ATP13A2: variants seen among roughly 807,000 people sequenced by gnomAD.
ATP13A2 encodes the protein ATPase cation transporting 13A2.
Under a neutral mutation model 138.3 loss-of-function variants are expected in ATP13A2, and 83 were observed. The observed-to-expected ratio is 0.60, with a 90% CI of 0.50 to 0.72. ATP13A2 has a LOEUF of 0.72. Ranked by LOEUF, ATP13A2 falls within the 30% of genes least tolerant of loss-of-function variation. The pLI, the probability that ATP13A2 is intolerant of heterozygous loss-of-function variation, is 0.00. For synonymous variants in ATP13A2, 663 were observed against 699.0 expected (o/e 0.95, Z 0.81); for missense variants, 1,402 against 1,606.4 (o/e 0.87, Z 2.17).
Position 17,004,797 on chromosome 1 carries a change from C to T in ATP13A2, c.372G>A (p.Gln124=), listed in dbSNP as rs751294424. The change falls in exon 5 of 29, where the codon CAG becomes CAA. Residue 124 remains glutamine (Q), a synonymous_variant. Coordinates refer to ENST00000326735, the MANE Select transcript of ATP13A2 (RefSeq NM_022089.4). This position sits in a 1 kb window ranked among gnomAD's most constrained non-coding sequence, Gnocchi z 4.1. ...EGSLEPSPQS[Q]AEDGRSQAAV... ...CCGCCTGGCTCCGGCCATCCTCTGCCTGGGACTGTGGGGACGGCTCCAGGC... is the reference window on the plus strand; with the variant it reads ...CCGCCTGGCTCCGGCCATCCTCTGCTTGGGACTGTGGGGACGGCTCCAGGC... 1 of 1,613,984 alleles carries T rather than the reference C, an allele frequency of 6.2e-7. No individual in the cohort carries two copies. Among genetic ancestry groups the T allele is most frequent in the Non-Finnish European group, 8.5e-7 (1 of 1,180,048 alleles).
Position 17,004,582 on chromosome 1 carries a change from T to C in ATP13A2, c.477+110A>G. The C allele has an allele frequency of 6.9e-6, 11 of 1,603,532 alleles. No homozygotes were observed. In the South Asian group the frequency reaches 1.2e-4, roughly 18 times the overall value. ...CGTGCTCAGACAGCATCCTGGATGT[T>C]TGGGACAACAGAACTAAAAGGTGGT... is the stretch of plus-strand genomic sequence containing the variant. On this transcript the variant is annotated intron_variant, in intron 5 of 28. Coordinates refer to ENST00000326735, the MANE Select transcript of ATP13A2 (RefSeq NM_022089.4). The surrounding 1 kb of genome is among the most constrained non-coding windows in gnomAD (Gnocchi z 4.1).
chr1:17,007,400 C>T lies in ATP13A2; in HGVS notation c.11-1622G>A, dbSNP rs919608048. On this transcript the variant is annotated intron_variant, in intron 1 of 28. Coordinates refer to ENST00000326735, the MANE Select transcript of ATP13A2 (RefSeq NM_022089.4). ...GACTGGCTGGATCAACTCCTCAGGCCGGGGTAGGGATGGTGCTAGGCATCT... is the reference window on the plus strand; with the variant it reads ...GACTGGCTGGATCAACTCCTCAGGCTGGGGTAGGGATGGTGCTAGGCATCT... 2.0e-5 allele frequency among the ~76,000 whole-genome samples: 3 copies of T among 152,022 alleles called. No homozygotes were observed. In the East Asian group the frequency reaches 5.8e-4, roughly 29 times the overall value.
At chr1:17,000,638 C>CA (rs1201030943) in intron 8 of ATP13A2, 104 bp from the exon 9 acceptor site, 3 of 1,445,330 alleles carry the variant, frequency 2.1e-6, no homozygotes, top group Non-Finnish European at 2.8e-6. Flanking sequence ...CAGTGGCTGC[C>CA]AAAGGACTGG....
rs1004848537 is a variant in ATP13A2 at position 16,998,957 on chromosome 1, G to A, written c.1039+1054C>T. 2.0e-5 allele frequency among the ~76,000 whole-genome samples: 3 copies of A among 150,566 alleles called. No homozygotes were observed. The East Asian group carries it at 5.8e-4, about 29-fold the overall frequency. ...TCACACCCTTCACAGTGGCTGCCCT[G>A]GGGAGGGGAAGGGAAGGGGACTGTG... On this transcript the variant is annotated intron_variant, in intron 11 of 28. Transcript: ENST00000326735.
chr1:17,007,903 G>A (rs1191116166), intron 1 of ATP13A2, among the ~76,000 whole-genome samples: 1 of 151,930 alleles, frequency 6.6e-6, no homozygotes, highest in Non-Finnish European at 1.5e-5. Context: ...GGCAGCTGCT[G>A]TGGGCACAGC....
Position 17,011,652 on chromosome 1 carries a change from C to G in ATP13A2, c.10+77G>C, listed in dbSNP as rs1354929960. 81 of 1,429,320 alleles carry G rather than the reference C, an allele frequency of 5.7e-5. No homozygotes were observed. Among genetic ancestry groups the G allele is most frequent in the Non-Finnish European group, 7.3e-5 (80 of 1,097,118 alleles). 88.5% of individuals were successfully genotyped at this position (1,429,320 alleles called of 1,614,324 possible). A position where few individuals can be genotyped will look rare whatever the true frequency, so the allele number is the denominator to read the frequency against. ...CGCGGTGGGGGGCGTCGCCTCCCCT[C>G]TCCCTCCAAGGGGTGACGACAACTG... is the stretch of plus-strand genomic sequence containing the variant. On this transcript the variant is annotated intron_variant, in intron 1 of 28. Coordinates refer to ENST00000326735, the MANE Select transcript of ATP13A2 (RefSeq NM_022089.4). The surrounding 1 kb of genome is among the most constrained non-coding windows in gnomAD (Gnocchi z 7.3).
chr1:16,988,121 G>A lies in ATP13A2; in HGVS notation c.2859+17C>T. 1 of 1,608,916 alleles carries A rather than the reference G, an allele frequency of 6.2e-7. No individual in the cohort carries two copies. Among genetic ancestry groups the A allele is most frequent in the Non-Finnish European group, 8.5e-7 (1 of 1,175,374 alleles). ...GTCCTGGGACGGCTCTGGGTACGGA[G>A]CTCTGCAGATACTCACCGTGTAGAG... On this transcript the variant is annotated intron_variant, in intron 25 of 28. Coordinates refer to ENST00000326735, the MANE Select transcript of ATP13A2 (RefSeq NM_022089.4).
chr1:17,004,665 AG>A lies in ATP13A2; in HGVS notation c.477+26del, dbSNP rs528517320. 641 of 1,613,722 alleles carry A rather than the reference AG, an allele frequency of 4.0e-4. 1 individual carries two copies. The highest frequency in any genetic ancestry group is 5.2e-4 in the Non-Finnish European group (616 of 1,180,006). On this transcript the variant is annotated intron_variant, in intron 5 of 28. Coordinates refer to ENST00000326735, the MANE Select transcript of ATP13A2 (RefSeq NM_022089.4). This position sits in a 1 kb window ranked among gnomAD's most constrained non-coding sequence, Gnocchi z 4.1. ...CAGATCATGAAACCGAGGCCGAGAG[AG>A]GGGCAAGGACTTTTTCAGAACCCAC...
intron 6 of ATP13A2, 56 bp from the exon 7 acceptor site, chr1:17,002,429 C>T: frequency 9.5e-6 from 15 of 1,576,108 alleles, no homozygotes; most frequent in Non-Finnish European, 1.3e-5. Context: ...GTCTGCATCC[C>T]CCACCCTGTG....
Position 16,997,702 on chromosome 1 carries a change from G to A in ATP13A2, c.1040-527C>T, listed in dbSNP as rs113998948. On this transcript the variant is annotated intron_variant, in intron 11 of 28. Transcript: ENST00000326735. ...ACTAAAATACAAAAATTAGCCGGGTGTTGTGGTGGGCATCTGTAATCCCAG... is the reference window on the plus strand; with the variant it reads ...ACTAAAATACAAAAATTAGCCGGGTATTGTGGTGGGCATCTGTAATCCCAG... 7.3e-3 allele frequency among the ~76,000 whole-genome samples: 1,110 copies of A among 152,094 alleles called. 15 individuals are homozygous for A. Among genetic ancestry groups the A allele is most frequent in the African/African-American group, 0.026 (1,062 of 41,464 alleles).
At chr1:16,990,708 G>A (rs2076900738) in intron 20 of ATP13A2, among the ~76,000 whole-genome samples, 1 of 151,996 alleles carries the variant, frequency 6.6e-6, no homozygotes, top group Non-Finnish European at 1.5e-5. Flanking sequence ...TTTTAGTAGA[G>A]ATGGGGTTTC....
At chr1:17,008,779 T>C (rs1269794829) in intron 1 of ATP13A2, among the ~76,000 whole-genome samples, 2 of 151,946 alleles carry the variant, frequency 1.3e-5, no homozygotes, top group Non-Finnish European at 2.9e-5. Context: ...GCTAACACGG[T>C]GAAACCCTGT....
rs1157851287 is a variant in ATP13A2 at position 16,997,063 on chromosome 1, C to A, written c.1152G>T (p.Arg384=). The part of the protein sequence containing the change: ...LFCGTLILQA[R]AYVGPHVLAV... ...CCAGGACGTGCGGTCCCACATAGGC[C>A]CGGGCCTGCAAGATGAGGGTCCCGC... is the stretch of plus-strand genomic sequence containing the variant. Residue 384 remains arginine, a synonymous_variant, in exon 12 of 29, where the codon CGG becomes CGT. Transcript: ENST00000326735. The A allele has an allele frequency of 1.9e-6, 3 of 1,613,186 alleles. No individual in the cohort carries two copies. The African/African-American group carries it at 4.0e-5, about 22-fold the overall frequency.
chr1:17,006,072 T>C (rs1234116712), intron 1 of ATP13A2, among the ~76,000 whole-genome samples: 1 of 150,460 alleles, frequency 6.6e-6, no homozygotes, highest in Non-Finnish European at 1.5e-5. Context: ...GAGGTAGAGG[T>C]TGCAGTGAGG....
intron 20 of ATP13A2, among the ~76,000 whole-genome samples, chr1:16,991,133 T>G (rs1419555462): frequency 6.6e-6 from 1 of 152,096 alleles, no homozygotes; most frequent in Non-Finnish European, 1.5e-5. Flanking sequence ...GTATTTTTAG[T>G]AGAGACGGGG....
chr1:17,005,350 C>A, intron 3 of ATP13A2, 24 bp downstream of exon 3: 7 of 1,575,808 alleles, frequency 4.4e-6, no homozygotes, highest in Non-Finnish European at 6.0e-6. Flanking sequence ...GCTTCTCTAG[C>A]CCCAGGCTCA....
At chr1:17,006,316 T>A (rs181396966) in intron 1 of ATP13A2, among the ~76,000 whole-genome samples, 1 of 149,388 alleles carries the variant, frequency 6.7e-6, no homozygotes, top group African/African-American at 2.5e-5. Flanking sequence ...AGTCACTTGA[T>A]CTCAGCTCAC....
At chr1:16,996,546 G>A (rs760072922) in intron 12 of ATP13A2, 50 bp from the exon 13 acceptor site, 1 of 1,477,528 alleles carries the variant, frequency 6.8e-7, no homozygotes, top group Admixed American at 1.7e-5. Context: ...GTGAGGGCAG[G>A]CCTTCCCCAC....
chr1:17,011,602 G>C lies in ATP13A2; in HGVS notation c.10+127C>G. On this transcript the variant is annotated intron_variant, in intron 1 of 28. Coordinates refer to ENST00000326735, the MANE Select transcript of ATP13A2 (RefSeq NM_022089.4). This position sits in a 1 kb window ranked among gnomAD's most constrained non-coding sequence, Gnocchi z 7.3. ...GGGACGGGCCAGGATCCCCAACCAG[G>C]TCCCGCTTCCTGGGCTCGCGACCCC... The C allele has an allele frequency of 8.1e-7, 1 of 1,241,610 alleles. No individual in the cohort carries two copies. The highest frequency in any genetic ancestry group is 1.0e-6 in the Non-Finnish European group (1 of 954,688). 76.9% of individuals were successfully genotyped at this position (1,241,610 alleles called of 1,614,324 possible).
Sources: gnomAD v4.1 joint callset for allele counts (sites outside exome capture counted in the v4.1 genomes callset) on GRCh38, gnomAD v4.1.1 for gene constraint, Gnocchi (gnomAD v3.1) non-coding constraint, MANE v1.5 for transcripts, NCBI Gene and HGNC (gene_info 2026-07-23, HGNC 2026-07-21) for gene names.